SLC60A1: variants seen among roughly 807,000 people sequenced by gnomAD.
SLC60A1 encodes solute carrier family 60 member 1.
At chr1:205,579,499 G>A in the SLC60A1 span, 1 of 582,856 alleles carries the variant, frequency 1.7e-6, no homozygotes. Context: ...ACGTGCAATT[G>A]TTTGTAAGTA....
At chr1:205,597,772 T>A in the SLC60A1 span, 1 of 1,613,762 alleles carries the variant, frequency 6.2e-7, no homozygotes, top group Non-Finnish European at 8.5e-7. Flanking sequence ...ACCTTCTCTT[T>A]TTGTTAGGCT....
the SLC60A1 span, among the ~76,000 whole-genome samples, chr1:205,597,062 C>G: frequency 3.3e-5 from 5 of 152,166 alleles, no homozygotes; most frequent in African/African-American, 1.2e-4. Flanking sequence ...TGTGGCTGGT[C>G]AGTGCAATGC....
At chr1:205,592,066 G>C in the SLC60A1 span, 1 of 1,581,660 alleles carries the variant, frequency 6.3e-7, no homozygotes, top group Admixed American at 1.7e-5. Flanking sequence ...AGGAGACGCC[G>C]ACTCCTGGCG....
At chr1:205,576,622 T>G in the SLC60A1 span, among the ~76,000 whole-genome samples, 1 of 152,200 alleles carries the variant, frequency 6.6e-6, no homozygotes, top group African/African-American at 2.4e-5. Flanking sequence ...TTATCCACAT[T>G]CCTAGAAGGG....
the SLC60A1 span, among the ~76,000 whole-genome samples, chr1:205,594,440 G>C: frequency 1.3e-5 from 2 of 152,266 alleles, no homozygotes; most frequent in Non-Finnish European, 2.9e-5. Flanking sequence ...TGGATCACTT[G>C]AAGTCAGGAA....
the SLC60A1 span, chr1:205,601,278 T>A: frequency 0.23 from 35,298 of 152,166 alleles, 4,870 homozygotes; most frequent in East Asian, 0.61. Flanking sequence ...TTACTATATA[T>A]GATGGTGTGC....
the SLC60A1 span, chr1:205,598,026 A>T: frequency 1.6e-6 from 1 of 613,148 alleles, no homozygotes. Context: ...CAGCCCTGAG[A>T]GCTGAGCCTC....
At chr1:205,600,487 A>C in the SLC60A1 span, 2 of 1,611,436 alleles carry the variant, frequency 1.2e-6, no homozygotes, top group Non-Finnish European at 1.7e-6. Flanking sequence ...GCAAGAGAAG[A>C]CTTTCAGCCT....
chr1:205,592,077 G>A, the SLC60A1 span: 1 of 1,597,086 alleles, frequency 6.3e-7, no homozygotes, highest in South Asian at 1.1e-5. Context: ...ACTCCTGGCG[G>A]TTCCTCACCA....
chr1:205,597,682 T>C, the SLC60A1 span: 4 of 1,262,342 alleles, frequency 3.2e-6, no homozygotes, highest in Non-Finnish European at 4.6e-6. Flanking sequence ...CCTTCCGAAA[T>C]GCATATGCCA....
the SLC60A1 span, among the ~76,000 whole-genome samples, chr1:205,583,089 G>C: frequency 2.0e-5 from 3 of 152,180 alleles, no homozygotes; most frequent in African/African-American, 4.8e-5. Context: ...TGAAGTTGCA[G>C]CAAGAAGGAC....
the SLC60A1 span, chr1:205,579,916 G>A: frequency 1.2e-6 from 2 of 1,614,058 alleles, no homozygotes; most frequent in Non-Finnish European, 1.7e-6. Context: ...AGCTGGTAAG[G>A]ATGTACCAGA....
the SLC60A1 span, among the ~76,000 whole-genome samples, chr1:205,596,470 A>G: frequency 7.6e-6 from 1 of 132,040 alleles, no homozygotes; most frequent in Non-Finnish European, 1.5e-5. Flanking sequence ...GTGGTGGGGC[A>G]TGCCTATAAT....
chr1:205,592,084 A>G, the SLC60A1 span: 2 of 1,603,212 alleles, frequency 1.2e-6, no homozygotes, highest in Non-Finnish European at 8.5e-7. Context: ...GCGGTTCCTC[A>G]CCACCGATGC....
the SLC60A1 span, among the ~76,000 whole-genome samples, chr1:205,581,684 G>A: frequency 6.6e-6 from 1 of 152,204 alleles, no homozygotes; most frequent in African/African-American, 2.4e-5. This position sits in a 1 kb window ranked among gnomAD's most constrained non-coding sequence, Gnocchi z 4.2. Context: ...CACTGTCTTG[G>A]CTGTGGGATG....
At chr1:205,591,786 G>A in the SLC60A1 span, among the ~76,000 whole-genome samples, 1 of 152,226 alleles carries the variant, frequency 6.6e-6, no homozygotes. Flanking sequence ...GGCAGAGAGA[G>A]CTGATGAAAT....
At chr1:205,577,045 G>A in the SLC60A1 span, among the ~76,000 whole-genome samples, 4 of 152,066 alleles carry the variant, frequency 2.6e-5, no homozygotes, top group Non-Finnish European at 4.4e-5. The surrounding 1 kb of genome is among the most constrained non-coding windows in gnomAD (Gnocchi z 5.2). Context: ...GGCACCTAGT[G>A]TCCTTCTCAA....
At chr1:205,590,060 G>T in the SLC60A1 span, among the ~76,000 whole-genome samples, 2 of 152,204 alleles carry the variant, frequency 1.3e-5, no homozygotes, top group East Asian at 3.8e-4. Context: ...ATTGGCAGAG[G>T]AAATTAAGAG....
the SLC60A1 span, among the ~76,000 whole-genome samples, chr1:205,589,002 A>T: frequency 6.6e-6 from 1 of 152,214 alleles, no homozygotes; most frequent in Non-Finnish European, 1.5e-5. Flanking sequence ...GGTGGAGCTG[A>T]TAGTTCGTCC....
Sources: gnomAD v4.1 joint callset for allele counts (sites outside exome capture counted in the v4.1 genomes callset) on GRCh38, gnomAD v4.1.1 for gene constraint, Gnocchi (gnomAD v3.1) non-coding constraint, MANE v1.5 for transcripts, NCBI Gene and HGNC (gene_info 2026-07-23, HGNC 2026-07-21) for gene names.